The following PHYHIP variants were observed in gnomAD, a reference collection of about 807,000 sequenced individuals.
PHYHIP encodes phytanoyl-CoA 2-hydroxylase interacting protein, also known as phytanoyl-CoA hydroxylase-interacting protein.
Under a neutral mutation model 26.1 loss-of-function variants are expected in PHYHIP, and 7 were observed. The observed-to-expected ratio is 0.27, with a 90% CI of 0.15 to 0.50. PHYHIP has a LOEUF of 0.50. Ranked by LOEUF, PHYHIP falls within the 20% of genes least tolerant of loss-of-function variation. The pLI is 0.98. For synonymous variants in PHYHIP, 206 were observed against 183.4 expected (o/e 1.12, Z -1.00); for missense variants, 232 against 454.7 (o/e 0.51, Z 4.45).
intron 3 of PHYHIP, among the ~76,000 whole-genome samples, chr8:22,225,731 G>C (rs1829731093): frequency 6.6e-6 from 1 of 151,210 alleles, no homozygotes; most frequent in African/African-American, 2.4e-5. Flanking sequence ...CTTGAACCCG[G>C]GAGGCGGAGA....
chr8:22,228,144 C>G, intron 2 of PHYHIP, 49 bp downstream of exon 2: 1 of 1,545,978 alleles, frequency 6.5e-7, no homozygotes, highest in Non-Finnish European at 8.9e-7. Context: ...ATCCGGCCTC[C>G]TTCAGGAACA....
chr8:22,226,058 G>A (rs1411297344), intron 3 of PHYHIP, among the ~76,000 whole-genome samples: 1 of 152,118 alleles, frequency 6.6e-6, no homozygotes, highest in African/African-American at 2.4e-5. Flanking sequence ...GCACACATAG[G>A]CCCACTGTTT....
intron 2 of PHYHIP, among the ~76,000 whole-genome samples, chr8:22,227,488 C>G (rs983148807): frequency 2.0e-5 from 3 of 152,116 alleles, no homozygotes; most frequent in East Asian, 1.9e-4. Context: ...TCGGGAGAGC[C>G]GGTTCCAGAG....
In PHYHIP at chr8:22,221,536, C is replaced by A; in HGVS notation, c.810G>T (p.Glu270Asp). 1 of 1,614,168 alleles carries A rather than the reference C, an allele frequency of 6.2e-7. No homozygotes were observed. ...ACNKFLTCSV[E>D]DGELVFRHAQ... ...CGTGGCGGAAGACCAGCTCCCCATC[C>A]TCCACGCTGCAGGTCAGGAACTTGT... Residue 270 changes from glutamate to aspartate, a missense_variant, in exon 5 of 5, where the codon GAG becomes GAT. Physicochemically the swap from Glu to Asp is conservative, Grantham distance 45. Coordinates refer to ENST00000454243, the MANE Select transcript of PHYHIP (RefSeq NM_014759.5). This position sits in a 1 kb window ranked among gnomAD's most constrained non-coding sequence, Gnocchi z 7.9.
chr8:22,221,594 C>A lies in PHYHIP; in HGVS notation c.752G>T (p.Arg251Leu), dbSNP rs766390772. The A allele has an allele frequency of 6.8e-6, 11 of 1,613,782 alleles. No individual in the cohort carries two copies. The highest frequency in any genetic ancestry group is 1.1e-5 in the South Asian group (1 of 91,070). Residue 251 changes from arginine (R) to leucine (L), a missense_variant, in exon 5 of 5, where the codon CGC becomes CTC. Transcript: ENST00000454243. The surrounding 1 kb of genome is among the most constrained non-coding windows in gnomAD (Gnocchi z 7.9). ...PKGSLGDRFC[R>L]DRLPLLDIAC... Reference sequence around the variant, plus strand: ...AATGTCCAGGAGGGGCAGGCGGTCGCGGCAGAAGCGGTCCCCCAGGGAGCC... The same window carrying A: ...AATGTCCAGGAGGGGCAGGCGGTCGAGGCAGAAGCGGTCCCCCAGGGAGCC...
intron 2 of PHYHIP, among the ~76,000 whole-genome samples, chr8:22,227,406 G>T (rs186666998): frequency 7.9e-5 from 12 of 152,346 alleles, no homozygotes; most frequent in South Asian, 2.1e-4. Context: ...TATTCTTTGG[G>T]GGGGAGGGTT....
chr8:22,221,193 C>A lies in PHYHIP; in HGVS notation c.*160G>T, dbSNP rs1586485444. On this transcript the variant is annotated 3_prime_UTR_variant, in exon 5 of 5. Coordinates refer to ENST00000454243, the MANE Select transcript of PHYHIP (RefSeq NM_014759.5). The surrounding 1 kb of genome is among the most constrained non-coding windows in gnomAD (Gnocchi z 7.9). The stretch of plus-strand genomic sequence containing the variant: ...TGTGGGCCACACTTACCAAGAGGAC[C>A]ACCGTCTGTTGCCTCCAATGCCAAG... 1 of 657,448 alleles carries A rather than the reference C, an allele frequency of 1.5e-6. No individual in the cohort carries two copies. 40.7% of individuals were successfully genotyped at this position (657,448 alleles called of 1,614,324 possible).
rs1829756531 is a variant in PHYHIP, at chr8:22,226,845, C to A, written c.340+6G>T. On this transcript the variant is annotated splice_donor_region_variant and intron_variant, in intron 3 of 4. Transcript: ENST00000454243. ...GCAGGACAGGGGTGTGATAGCAGGG[C>A]CTCACCCCCAGTGCAGAACTCCACC... 7 of 1,608,608 alleles carry A rather than the reference C, an allele frequency of 4.4e-6. No individual in the cohort carries two copies. Among genetic ancestry groups the A allele is most frequent in the Non-Finnish European group, 5.9e-6 (7 of 1,176,620 alleles).
chr8:22,230,751 G>T (rs1829850402), intron 1 of PHYHIP, among the ~76,000 whole-genome samples: 1 of 152,070 alleles, frequency 6.6e-6, no homozygotes, highest in African/African-American at 2.4e-5. Context: ...GGTGCCTGCT[G>T]CCACCTTCCA....
chr8:22,225,711 A>G (rs373650279), intron 3 of PHYHIP, among the ~76,000 whole-genome samples: 1,618 of 150,372 alleles, frequency 0.011, 33 homozygotes, highest in African/African-American at 0.037. Context: ...AGGCTGAGGC[A>G]GGAGAATCGC....
intron 2 of PHYHIP, chr8:22,227,519 C>A: frequency 2.3e-6 from 1 of 436,848 alleles, no homozygotes; most frequent in South Asian, 1.6e-5. Context: ...GGTGAGTAAC[C>A]CACGCCGGTG....
In PHYHIP at chr8:22,227,597, C is replaced by T. The variant is rs1489515101; in HGVS notation, c.166-572G>A. ...TCTGCCAGCTTGAGAGGATGGGGGT[C>T]TTCCTCCCACCCACCCCCACACTGG... On this transcript the variant is annotated intron_variant, in intron 2 of 4. Coordinates refer to ENST00000454243, the MANE Select transcript of PHYHIP (RefSeq NM_014759.5). 1.8e-5 allele frequency: 8 copies of T among 456,228 alleles called. No individual in the cohort carries two copies. In the Admixed American group the frequency reaches 1.9e-4, roughly 11 times the overall value. 28.3% of individuals were successfully genotyped at this position (456,228 alleles called of 1,614,324 possible).
At chr8:22,226,753 T>A in intron 3 of PHYHIP, 98 bp downstream of exon 3, 1 of 1,126,138 alleles carries the variant, frequency 8.9e-7, no homozygotes, top group Non-Finnish European at 1.3e-6. Context: ...CAGAAGGTGT[T>A]CATCAGTGTT....
chr8:22,222,949 C>T (rs1168249983), intron 4 of PHYHIP, among the ~76,000 whole-genome samples: 1 of 152,134 alleles, frequency 6.6e-6, no homozygotes, highest in East Asian at 1.9e-4. Flanking sequence ...TCTCGGCCTC[C>T]CAACGTGGTA....
chr8:22,224,748 A>G (rs1563298737), intron 3 of PHYHIP, among the ~76,000 whole-genome samples: 2 of 152,120 alleles, frequency 1.3e-5, no homozygotes, highest in African/African-American at 2.4e-5. Context: ...AAGTCTCTCA[A>G]ATACAGTAGA....
At chr8:22,227,338 G>T (rs1829769053) in intron 2 of PHYHIP, among the ~76,000 whole-genome samples, 1 of 152,222 alleles carries the variant, frequency 6.6e-6, no homozygotes, top group Non-Finnish European at 1.5e-5. Flanking sequence ...ACACTGCAGT[G>T]CCGTCTCCAC....
chr8:22,225,930 C>G (rs1359011323), intron 3 of PHYHIP, among the ~76,000 whole-genome samples: 1 of 152,136 alleles, frequency 6.6e-6, no homozygotes. Context: ...CTCAGAGGCC[C>G]GGGGCTGAGA....
At chr8:22,229,827 T>G (rs573854445) in intron 1 of PHYHIP, among the ~76,000 whole-genome samples, 1 of 152,260 alleles carries the variant, frequency 6.6e-6, no homozygotes, top group East Asian at 1.9e-4. Context: ...GCCCACACCT[T>G]CCTGTCAATT....
At chr8:22,227,772 C>T (rs1829780553) in intron 2 of PHYHIP, 1 of 456,804 alleles carries the variant, frequency 2.2e-6, no homozygotes, top group Non-Finnish European at 4.4e-6. Flanking sequence ...GCCCGTGTGG[C>T]CCACCCAGCC....
Sources: gnomAD v4.1 joint callset for allele counts (sites outside exome capture counted in the v4.1 genomes callset) on GRCh38, gnomAD v4.1.1 for gene constraint, Gnocchi (gnomAD v3.1) non-coding constraint, MANE v1.5 for transcripts, NCBI Gene and HGNC (gene_info 2026-07-23, HGNC 2026-07-21) for gene names.